KLHL7: variants seen among roughly 807,000 people sequenced by gnomAD.
KLHL7 encodes kelch like family member 7, also known as kelch-like protein 7.
In KLHL7, 44 loss-of-function variants were observed where a neutral mutation model predicts 67.4. That is an observed-to-expected ratio of 0.65 (90% CI 0.51 to 0.84). KLHL7 has a LOEUF of 0.84. KLHL7 is among the 40% of genes least tolerant of loss of function. KLHL7 has a pLI of 0.00. For synonymous variants in KLHL7, 252 were observed against 243.3 expected, an observed-to-expected ratio of 1.04 and a Z score of -0.33; for missense variants, 362 against 718.1, an observed-to-expected ratio of 0.50 and a Z score of 5.67.
At chr7:23,131,676 A>G (rs1015971929) in intron 4 of KLHL7, among the ~76,000 whole-genome samples, 3 of 151,944 alleles carry the variant, frequency 2.0e-5, no homozygotes, top group African/African-American at 4.8e-5. Flanking sequence ...AAAGTGTACA[A>G]TTAAGTATTG....
At chr7:23,143,763 T>A (rs1784268262) in intron 5 of KLHL7, 88 bp from the exon 6 acceptor site, 1 of 1,319,940 alleles carries the variant, frequency 7.6e-7, no homozygotes, top group East Asian at 2.3e-5. Context: ...CCTTATGAGG[T>A]TCTCTCCCTT....
chr7:23,142,676 C>T (rs1784228004), intron 5 of KLHL7, among the ~76,000 whole-genome samples: 1 of 152,078 alleles, frequency 6.6e-6, no homozygotes, highest in Admixed American at 6.5e-5. Flanking sequence ...ACCATAACCT[C>T]AGTCTAATAA....
At chr7:23,173,070 CACT>C in intron 10 of KLHL7, 25 bp downstream of exon 10, 1 of 1,535,102 alleles carries the variant, frequency 6.5e-7, no homozygotes, top group Non-Finnish European at 9.0e-7. Context: ...TTCACTGTTC[CACT>C]TTCCTGATGA....
At chr7:23,124,574 GA>G in intron 2 of KLHL7, 113 bp from the exon 3 acceptor site, 1 of 732,234 alleles carries the variant, frequency 1.4e-6, no homozygotes, top group South Asian at 1.5e-5. Flanking sequence ...TTTTCTTCCA[GA>G]GAGAACTGTC....
At chr7:23,114,424 C>T (rs1057083618) in intron 1 of KLHL7, among the ~76,000 whole-genome samples, 4 of 152,102 alleles carry the variant, frequency 2.6e-5, no homozygotes, top group African/African-American at 4.8e-5. Context: ...TCTTATGTCT[C>T]GTTTGGTTAT....
At chr7:23,144,699 T>C (rs1402415097) in intron 6 of KLHL7, among the ~76,000 whole-genome samples, 1 of 152,200 alleles carries the variant, frequency 6.6e-6, no homozygotes, top group Non-Finnish European at 1.5e-5. Context: ...TCTACCTTAA[T>C]TCTTTTTGTT....
At chr7:23,147,647 T>C (rs776062080) in intron 6 of KLHL7, among the ~76,000 whole-genome samples, 5 of 152,214 alleles carry the variant, frequency 3.3e-5, no homozygotes, top group Non-Finnish European at 7.4e-5. Context: ...GCTTAGGTTG[T>C]GTCTTCTGTG....
chr7:23,138,375 T>TA (rs1784056786), intron 4 of KLHL7, among the ~76,000 whole-genome samples: 2 of 142,228 alleles, frequency 1.4e-5, no homozygotes, highest in African/African-American at 2.6e-5. Flanking sequence ...GGTAGGGAAT[T>TA]ACTTGAAACC....
In KLHL7 at chr7:23,174,856, C is replaced by A. The variant is rs1207269081; in HGVS notation, c.*558C>A. ...GTCAAGGCATATACACACTTTCTCA[C>A]AAAACTTCCTAAACAGATTTGGGGG... On this transcript the variant is annotated 3_prime_UTR_variant, in exon 11 of 11. Coordinates refer to ENST00000339077, the MANE Select transcript of KLHL7 (RefSeq NM_001031710.3). 6.6e-6 allele frequency: 3 copies of A among 454,418 alleles called. No individual in the cohort carries two copies. Among genetic ancestry groups the A allele is most frequent in the African/African-American group, 6.0e-5 (3 of 50,002 alleles). 28.1% of individuals were successfully genotyped at this position (454,418 alleles called of 1,614,324 possible). A position where few individuals can be genotyped will look rare whatever the true frequency, so the allele number is the denominator to read the frequency against.
chr7:23,174,260 G>A lies in KLHL7; in HGVS notation c.1723G>A (p.Asp575Asn). ...CACAAGTTGTTTAATTTGTGTTGTC[G>A]ATACTTGTGGAGCAAATGAAGAGAC... ...PVTSCLICVV[D>N]TCGANEETLE... Residue 575 changes from aspartate (D) to asparagine (N), a missense_variant, in exon 11 of 11, where the codon GAT becomes AAT. By Grantham distance (23) the Asp-to-Asn change is conservative. Coordinates refer to ENST00000339077, the MANE Select transcript of KLHL7 (RefSeq NM_001031710.3). 2 of 1,614,088 alleles carry A rather than the reference G, an allele frequency of 1.2e-6. No individual in the cohort carries two copies. The highest frequency in any genetic ancestry group is 1.7e-6 in the Non-Finnish European group (2 of 1,179,986).
chr7:23,146,638 T>C (rs919236085), intron 6 of KLHL7, among the ~76,000 whole-genome samples: 4 of 149,152 alleles, frequency 2.7e-5, no homozygotes, highest in Admixed American at 6.6e-5. Flanking sequence ...TTATCACTTA[T>C]AGAGTTCTTC....
intron 9 of KLHL7, chr7:23,172,187 G>A (rs1785184428): frequency 2.2e-6 from 1 of 456,260 alleles, no homozygotes; most frequent in Admixed American, 2.4e-5. Context: ...TGTCAGTCTT[G>A]GGAGTGTATG....
At position 23,132,068 on chromosome 7, in the gene KLHL7, C is replaced by A. The variant is rs184169945; in HGVS notation, c.442+6896C>A. Among the ~76,000 whole-genome samples, 236 of 152,226 alleles carry A rather than the reference C, an allele frequency of 1.6e-3. 1 individual carries two copies. In the South Asian group the frequency reaches 0.016, roughly 11 times the overall value. On this transcript the variant is annotated intron_variant, in intron 4 of 10. Coordinates refer to ENST00000339077, the MANE Select transcript of KLHL7 (RefSeq NM_001031710.3). ...CCATTCATCTGTTGATGGACACTTA[C>A]GTTGCTTCCAAATCTTAGCTATTGT...
At chr7:23,147,694 C>T (rs565421928) in intron 6 of KLHL7, among the ~76,000 whole-genome samples, 3 of 152,280 alleles carry the variant, frequency 2.0e-5, no homozygotes, top group African/African-American at 4.8e-5. Context: ...CTCAATAGAA[C>T]GGTGTTTGCT....
Position 23,176,563 on chromosome 7 carries a change from T to C in KLHL7, c.*2265T>C, listed in dbSNP as rs1316321154. ...GGTATATACCTGCAGTTCTAGCTAC[T>C]CAGAAGGCTGAGGTGGGAGGATCAC... On this transcript the variant is annotated 3_prime_UTR_variant, in exon 11 of 11. Coordinates refer to ENST00000339077, the MANE Select transcript of KLHL7 (RefSeq NM_001031710.3). 1.3e-5 allele frequency: 2 copies of C among 152,044 alleles called. No homozygotes were observed. The highest frequency in any genetic ancestry group is 2.9e-5 in the Non-Finnish European group (2 of 68,308). The allele number at this position is 152,044 out of a possible 1,614,324, so 9.4% of individuals were successfully genotyped here.
At chr7:23,152,030 T>C in intron 6 of KLHL7, 37 bp from the exon 7 acceptor site, 2 of 1,610,840 alleles carry the variant, frequency 1.2e-6, no homozygotes, top group Non-Finnish European at 8.5e-7. Flanking sequence ...GGTTAGTGCC[T>C]GAAGTTCTTG....
rs2128470794 is a variant in KLHL7, at chr7:23,175,241, G to A, written c.*943G>A. ...GTCTCTAAAAGTTTTGTAATCATGA[G>A]TTAGATATATGTCATCTCCTATTCA... On this transcript the variant is annotated 3_prime_UTR_variant, in exon 11 of 11. Coordinates refer to ENST00000339077, the MANE Select transcript of KLHL7 (RefSeq NM_001031710.3). 1 of 453,978 alleles carries A rather than the reference G, an allele frequency of 2.2e-6. No homozygotes were observed. Among genetic ancestry groups the A allele is most frequent in the East Asian group, 6.9e-5 (1 of 14,390 alleles). 28.1% of individuals were successfully genotyped at this position (453,978 alleles called of 1,614,324 possible).
intron 4 of KLHL7, among the ~76,000 whole-genome samples, chr7:23,138,559 A>G (rs1474225988): frequency 6.8e-6 from 1 of 146,274 alleles, no homozygotes; most frequent in Non-Finnish European, 1.5e-5. Context: ...TTTCTTTTTG[A>G]GACAGTCTCA....
At chr7:23,166,989 T>C (rs1397911339) in intron 8 of KLHL7, among the ~76,000 whole-genome samples, 1 of 152,182 alleles carries the variant, frequency 6.6e-6, no homozygotes, top group Non-Finnish European at 1.5e-5. Flanking sequence ...CTTCTAGTTG[T>C]TATTTTCTGA....
Sources: gnomAD v4.1 joint callset for allele counts (sites outside exome capture counted in the v4.1 genomes callset) on GRCh38, gnomAD v4.1.1 for gene constraint, MANE v1.5 for transcripts, NCBI Gene and HGNC (gene_info 2026-07-23, HGNC 2026-07-21) for gene names.